The following OSBPL3 variants were observed in gnomAD, a reference collection of about 807,000 sequenced individuals.
OSBPL3 encodes the protein oxysterol binding protein like 3.
A neutral mutation model predicts 120.1 loss-of-function variants in OSBPL3; 65 were observed. The ratio of observed to expected loss-of-function variants is 0.54; its 90% CI spans 0.44 to 0.67. OSBPL3 has a LOEUF of 0.67. Among genes scored for constraint, OSBPL3 ranks in the 30% least tolerant of loss-of-function variants. OSBPL3 has a pLI of 0.00. For synonymous variants in OSBPL3, 416 were observed against 402.6 expected (o/e 1.03, Z -0.40); for missense variants, 1,004 against 1,082.1 (o/e 0.93, Z 1.01).
At chr7:24,884,848 C>G (rs1804256532) in intron 2 of OSBPL3, among the ~76,000 whole-genome samples, 1 of 152,178 alleles carries the variant, frequency 6.6e-6, no homozygotes, top group Non-Finnish European at 1.5e-5. Flanking sequence ...CATCATAGAA[C>G]AGTGTGAGAC....
intron 1 of OSBPL3, among the ~76,000 whole-genome samples, chr7:24,927,957 T>A (rs749885844): frequency 6.6e-6 from 1 of 152,100 alleles, no homozygotes; most frequent in Non-Finnish European, 1.5e-5. Context: ...TGGGAGGTGA[T>A]TGGATCATGG....
Position 24,820,159 on chromosome 7 carries a change from T to G in OSBPL3, c.1948+16A>C. ...ATTACACAATATGATGGAAGTAAAA[T>G]GTATTAGCACATTACCTTGCCAGAA... On this transcript the variant is annotated intron_variant, in intron 17 of 22. Transcript: ENST00000313367. This position sits in a 1 kb window ranked among gnomAD's most constrained non-coding sequence, Gnocchi z 4.6. The G allele has an allele frequency of 6.5e-7, 1 of 1,545,198 alleles. No individual in the cohort carries two copies. Among genetic ancestry groups the G allele is most frequent in the Non-Finnish European group, 8.9e-7 (1 of 1,119,496 alleles).
intron 1 of OSBPL3, among the ~76,000 whole-genome samples, chr7:24,905,045 AGGACT>A (rs1807689423): frequency 6.6e-6 from 1 of 151,734 alleles, no homozygotes; most frequent in South Asian, 2.1e-4. Context: ...TAATGCCTGG[AGGACT>A]GGTATCAGGA....
chr7:24,898,644 G>T lies in OSBPL3; in HGVS notation c.-149-6023C>A, dbSNP rs142415248. Among the ~76,000 whole-genome samples the T allele has an allele frequency of 6.6e-6, 1 of 152,304 alleles. No homozygotes were observed. The highest frequency in any genetic ancestry group is 1.9e-4 in the East Asian group (1 of 5,182). On this transcript the variant is annotated intron_variant, in intron 1 of 22. Coordinates refer to ENST00000313367, the MANE Select transcript of OSBPL3 (RefSeq NM_015550.4). The surrounding 1 kb of genome is among the most constrained non-coding windows in gnomAD (Gnocchi z 4.3). ...AATGCACCTGGTGCATATTTGAAGC[G>T]TGCGGCTTCCATGAGACAAAAAGCT...
At chr7:24,859,676 GTTATT>G (rs1281824324) in intron 10 of OSBPL3, among the ~76,000 whole-genome samples, 2 of 152,112 alleles carry the variant, frequency 1.3e-5, no homozygotes, top group African/African-American at 4.8e-5. Context: ...TCAGGAAGCT[GTTATT>G]TTATCTAAGT....
chr7:24,893,095 T>C (rs1327379869), intron 1 of OSBPL3, among the ~76,000 whole-genome samples: 1 of 152,150 alleles, frequency 6.6e-6, no homozygotes, highest in African/African-American at 2.4e-5. Context: ...CATAGAATTA[T>C]CATATGATCC....
At position 24,805,374 on chromosome 7, in the gene OSBPL3, C is replaced by T. The variant is rs542198517; in HGVS notation, c.2445-937G>A. On this transcript the variant is annotated intron_variant, in intron 21 of 22. Coordinates refer to ENST00000313367, the MANE Select transcript of OSBPL3 (RefSeq NM_015550.4). The surrounding 1 kb of genome is among the most constrained non-coding windows in gnomAD (Gnocchi z 4.0). ...ACATGCTTAAGGGATATCTGCATTTCCTATTTTGTGGACTGTTCATTTTCC... is the reference window on the plus strand; with the variant it reads ...ACATGCTTAAGGGATATCTGCATTTTCTATTTTGTGGACTGTTCATTTTCC... 5.3e-5 allele frequency among the ~76,000 whole-genome samples: 8 copies of T among 152,220 alleles called. No homozygotes were observed. In the South Asian group the frequency reaches 1.7e-3, roughly 32 times the overall value.
intron 2 of OSBPL3, among the ~76,000 whole-genome samples, chr7:24,885,311 A>T (rs1804347670): frequency 1.3e-5 from 2 of 152,106 alleles, no homozygotes; most frequent in Non-Finnish European, 2.9e-5. Context: ...ACATTATTAA[A>T]GTGTTAATTC....
rs143386888 is a variant in OSBPL3 at position 24,819,251 on chromosome 7, C to CAAAA, written c.1948+920_1948+923dup. Among the ~76,000 whole-genome samples the CAAAA allele has an allele frequency of 1.8e-5, 2 of 109,062 alleles. No individual in the cohort carries two copies. The highest frequency in any genetic ancestry group is 1.1e-4 in the Admixed American group (1 of 9,380). The allele number at this position is 109,062 out of a possible 152,430, so 71.5% of individuals were successfully genotyped here. On this transcript the variant is annotated intron_variant, in intron 17 of 22. Transcript: ENST00000313367. This position sits in a 1 kb window ranked among gnomAD's most constrained non-coding sequence, Gnocchi z 4.1. ...CTAGCAACAGACTGAGACTCCATTT[C>CAAAA]AAAAAAAAAAAAAAAAAATCCAACT...
rs374041346 is a variant in OSBPL3, at chr7:24,972,729, C to T, written c.-150+7157G>A. 4.6e-5 allele frequency among the ~76,000 whole-genome samples: 7 copies of T among 152,180 alleles called. No individual in the cohort carries two copies. Among genetic ancestry groups the T allele is most frequent in the East Asian group, 3.9e-4 (2 of 5,182 alleles). ...AAAAATATATACATACATAAATATACACACACATATATATACATATATGTA... is the reference window on the plus strand; with the variant it reads ...AAAAATATATACATACATAAATATATACACACATATATATACATATATGTA... On this transcript the variant is annotated intron_variant, in intron 1 of 22. Coordinates refer to ENST00000313367, the MANE Select transcript of OSBPL3 (RefSeq NM_015550.4). The surrounding 1 kb of genome is among the most constrained non-coding windows in gnomAD (Gnocchi z 4.3).
At position 24,938,031 on chromosome 7, in the gene OSBPL3, A is replaced by G. The variant is rs1415703933; in HGVS notation, c.-150+41855T>C. 2.6e-5 allele frequency among the ~76,000 whole-genome samples: 4 copies of G among 152,202 alleles called. No homozygotes were observed. In the East Asian group the frequency reaches 7.7e-4, roughly 29 times the overall value. The stretch of plus-strand genomic sequence containing the variant: ...GGAACTACATTTAACTGCAACCGAT[A>G]AGATACTTCCTCCTTATCTCCAAAT... On this transcript the variant is annotated intron_variant, in intron 1 of 22. Transcript: ENST00000313367. The surrounding 1 kb of genome is among the most constrained non-coding windows in gnomAD (Gnocchi z 5.8).
At chr7:24,839,991 C>CAAAAAAAAAAAAA (rs71675250) in intron 14 of OSBPL3, among the ~76,000 whole-genome samples, 37 of 53,296 alleles carry the variant, frequency 6.9e-4, no homozygotes, top group East Asian at 1.6e-3. Flanking sequence ...CTCCATCTCA[C>CAAAAAAAAAAAAA]AAAAAAAAAA....
Position 24,916,761 on chromosome 7 carries a change from G to GA in OSBPL3, c.-149-24141dup, listed in dbSNP as rs1809598750. On this transcript the variant is annotated intron_variant, in intron 1 of 22. Coordinates refer to ENST00000313367, the MANE Select transcript of OSBPL3 (RefSeq NM_015550.4). This position sits in a 1 kb window ranked among gnomAD's most constrained non-coding sequence, Gnocchi z 4.9. ...AGAAACCTCCCGATAATGTAGATAA[G>GA]AAAAAAACGTGGTGCTTGGGTATTT... 2.0e-5 allele frequency among the ~76,000 whole-genome samples: 3 copies of GA among 152,050 alleles called. No homozygotes were observed. The highest frequency in any genetic ancestry group is 4.4e-5 in the Non-Finnish European group (3 of 67,998).
chr7:24,842,554 G>T, intron 12 of OSBPL3, 141 bp from the exon 13 acceptor site: 1 of 655,748 alleles, frequency 1.5e-6, no homozygotes, highest in Non-Finnish European at 2.6e-6. Context: ...CTCCAACACT[G>T]AGATGCGAGC....
rs2128492115 is a variant in OSBPL3 at position 24,947,475 on chromosome 7, T to C, written c.-150+32411A>G. Among the ~76,000 whole-genome samples, 1 of 152,306 alleles carries C rather than the reference T, an allele frequency of 6.6e-6. No homozygotes were observed. ...CTGCTGCTTTTGCTCCCCACGTGAC[T>C]ACCCCTGAAAGCTGCATATTTTTAT... On this transcript the variant is annotated intron_variant, in intron 1 of 22. Coordinates refer to ENST00000313367, the MANE Select transcript of OSBPL3 (RefSeq NM_015550.4). The surrounding 1 kb of genome is among the most constrained non-coding windows in gnomAD (Gnocchi z 4.4).
In OSBPL3 at chr7:24,968,946, A is replaced by C. The variant is rs1305889970; in HGVS notation, c.-150+10940T>G. On this transcript the variant is annotated intron_variant, in intron 1 of 22. Transcript: ENST00000313367. This position sits in a 1 kb window ranked among gnomAD's most constrained non-coding sequence, Gnocchi z 4.6. ...TTACTTGCAATCTGGTATTTATTCA[A>C]ATACTCCAAGAAACAATTTTGCATA... 1.3e-5 allele frequency among the ~76,000 whole-genome samples: 2 copies of C among 152,208 alleles called. No individual in the cohort carries two copies. Among genetic ancestry groups the C allele is most frequent in the African/African-American group, 4.8e-5 (2 of 41,446 alleles).
intron 2 of OSBPL3, among the ~76,000 whole-genome samples, chr7:24,887,683 A>T (rs1399399935): frequency 6.6e-6 from 1 of 152,224 alleles, no homozygotes; most frequent in Non-Finnish European, 1.5e-5. Flanking sequence ...ACTCTTCTCT[A>T]TCACTAAGGG....
chr7:24,939,583 A>G lies in OSBPL3; in HGVS notation c.-150+40303T>C, dbSNP rs1459283000. Among the ~76,000 whole-genome samples the G allele has an allele frequency of 6.6e-6, 1 of 152,250 alleles. No homozygotes were observed. The highest frequency in any genetic ancestry group is 1.5e-5 in the Non-Finnish European group (1 of 68,038). On this transcript the variant is annotated intron_variant, in intron 1 of 22. Transcript: ENST00000313367. The surrounding 1 kb of genome is among the most constrained non-coding windows in gnomAD (Gnocchi z 4.2). ...GACTAAAGAAACTGGGTCCTTGAGG[A>G]CACAGTCAACCCACTGAATTAAGCA...
intron 1 of OSBPL3, among the ~76,000 whole-genome samples, chr7:24,897,018 A>G (rs909779097): frequency 1.3e-5 from 2 of 150,338 alleles, no homozygotes; most frequent in African/African-American, 4.9e-5. Flanking sequence ...GTTGCAGTGA[A>G]CTGAGATTGC....
Sources: allele counts gnomAD v4.1 joint callset (sites outside exome capture counted in the v4.1 genomes callset), GRCh38; gene constraint gnomAD v4.1.1; non-coding constraint Gnocchi (gnomAD v3.1); transcripts MANE v1.5; gene names NCBI Gene and HGNC (gene_info 2026-07-23, HGNC 2026-07-21).